Variants in PRR23C observed in about 807,000 individuals in gnomAD.
PRR23C encodes proline-rich protein 23C.
PRR23C carries 1 observed loss-of-function variant against 0.1 expected under a neutral mutation model. That is an observed-to-expected ratio of 6.80 (90% confidence interval 2.41 to 32.24). The LOEUF is 32.24. PRR23C is among the 30% of genes most tolerant of loss of function. The pLI is 0.11. For synonymous variants in PRR23C, 172 were observed against 168.1 expected, an observed-to-expected ratio of 1.02 and a Z score of -0.18; for missense variants, 361 against 370.4, an observed-to-expected ratio of 0.97 and a Z score of 0.21.
In PRR23C at chr3:139,044,634, C is replaced by A; in HGVS notation, c.-14G>T. 1 of 1,480,864 alleles carries A rather than the reference C, an allele frequency of 6.8e-7. No individual in the cohort carries two copies. The highest frequency in any genetic ancestry group is 8.9e-7 in the Non-Finnish European group (1 of 1,125,440). The allele number at this position is 1,480,864 out of a possible 1,614,324, so 91.7% of individuals were successfully genotyped here. On this transcript the variant is annotated 5_prime_UTR_variant, in exon 1 of 1. Coordinates refer to ENST00000413199, the MANE Select transcript of PRR23C (RefSeq NM_001134657.1). This position sits in a 1 kb window ranked among gnomAD's most constrained non-coding sequence, Gnocchi z 7.5. ...CCGGCTGCCCATCACCTCGACGGCG[C>A]TGCGGACGGCGCTCCTGGGCCTGGC...
Position 139,042,465 on chromosome 3 carries a change from G to T in PRR23C, c.*1367C>A, listed in dbSNP as rs1224460348. The T allele has an allele frequency of 6.6e-6, 1 of 151,996 alleles. No individual in the cohort carries two copies. Among genetic ancestry groups the T allele is most frequent in the East Asian group, 1.9e-4 (1 of 5,190 alleles). The allele number at this position is 151,996 out of a possible 1,614,324, so 9.4% of individuals were successfully genotyped here. A position where few individuals can be genotyped will look rare whatever the true frequency, so the allele number is the denominator to read the frequency against. On this transcript the variant is annotated 3_prime_UTR_variant, in exon 1 of 1. Transcript: ENST00000413199. ...AAATTAACTGCTTCAATAGATTAAG[G>T]GTTATCTAACAACCATGTAAAGATC...
rs552437095 is a variant in PRR23C, at chr3:139,044,671, G to A, written c.-51C>T. The A allele has an allele frequency of 3.1e-4, 440 of 1,436,678 alleles. 1 individual carries two copies. In the African/African-American group the frequency reaches 5.7e-3, roughly 19 times the overall value. 89.0% of individuals were successfully genotyped at this position (1,436,678 alleles called of 1,614,324 possible). Reference sequence around the variant, plus strand: ...CTCCTGGGCCTGGCAGGGGACGTGGGTGCGGGGGGCTCGGGGCGGCGAAGT... The same window carrying A: ...CTCCTGGGCCTGGCAGGGGACGTGGATGCGGGGGGCTCGGGGCGGCGAAGT... On this transcript the variant is annotated 5_prime_UTR_variant, in exon 1 of 1. Coordinates refer to ENST00000413199, the MANE Select transcript of PRR23C (RefSeq NM_001134657.1). This position sits in a 1 kb window ranked among gnomAD's most constrained non-coding sequence, Gnocchi z 7.5.
At position 139,044,746 on chromosome 3, in the gene PRR23C, C is replaced by A; in HGVS notation, c.-126G>T. 1 of 1,109,946 alleles carries A rather than the reference C, an allele frequency of 9.0e-7. No homozygotes were observed. 68.8% of individuals were successfully genotyped at this position (1,109,946 alleles called of 1,614,324 possible). ...CAGGACCGCGCGACGCGGGGCGAGT[C>A]CTCGGAGCTCTGGGGGCGCCTCCCG... On this transcript the variant is annotated 5_prime_UTR_variant, in exon 1 of 1. Transcript: ENST00000413199. This position sits in a 1 kb window ranked among gnomAD's most constrained non-coding sequence, Gnocchi z 7.5.
In PRR23C at chr3:139,044,552, T is replaced by C. The variant is rs776579314; in HGVS notation, c.69A>G (p.Pro23=). The stretch of plus-strand genomic sequence containing the variant: ...CCAATCGGCTGCGCTTGGCAGGGCC[T>C]GGTCCTCCTGGCTGCTGTCCCCACC... ...APWWGQQPGG[P]GPAKRSRLEE... is the part of the protein sequence containing the mutation. Residue 23 remains proline, a synonymous_variant, in exon 1 of 1, where the codon CCA becomes CCG. Coordinates refer to ENST00000413199, the MANE Select transcript of PRR23C (RefSeq NM_001134657.1). The surrounding 1 kb of genome is among the most constrained non-coding windows in gnomAD (Gnocchi z 7.5). The C allele has an allele frequency of 1.4e-5, 21 of 1,542,296 alleles. No individual in the cohort carries two copies. Among genetic ancestry groups the C allele is most frequent in the Non-Finnish European group, 1.8e-5 (21 of 1,146,052 alleles).
Position 139,044,855 on chromosome 3 carries a change from A to T in PRR23C, c.-235T>A, listed in dbSNP as rs995044800. 22 of 525,012 alleles carry T rather than the reference A, an allele frequency of 4.2e-5. No individual in the cohort carries two copies. The Admixed American group carries it at 6.9e-4, about 17-fold the overall frequency. 32.5% of individuals were successfully genotyped at this position (525,012 alleles called of 1,614,324 possible). ...CGCGATGGAAACTTGGGCCTTCCTG[A>T]CGCAGACCCGGATGCGCACTGCAAA... On this transcript the variant is annotated 5_prime_UTR_variant, in exon 1 of 1. Transcript: ENST00000413199. This position sits in a 1 kb window ranked among gnomAD's most constrained non-coding sequence, Gnocchi z 7.5.
In PRR23C at chr3:139,044,009, G is replaced by A. The variant is rs920220092; in HGVS notation, c.612C>T (p.Pro204=). Residue 204 remains proline, a synonymous_variant, in exon 1 of 1, where the codon CCC becomes CCT. Transcript: ENST00000413199. This position sits in a 1 kb window ranked among gnomAD's most constrained non-coding sequence, Gnocchi z 7.5. ...GGCGTGGAGAGCGTCTCTCTGAACT[G>A]GGGTTGGGGGCCAGAGCACAGGGCC... is the stretch of plus-strand genomic sequence containing the variant. The part of the protein sequence containing the change: ...IRGPCALAPN[P]SSERRSPRPI... 22 of 1,613,034 alleles carry A rather than the reference G, an allele frequency of 1.4e-5. No individual in the cohort carries two copies. In the Admixed American group the frequency reaches 3.0e-4, roughly 22 times the overall value.
Position 139,043,571 on chromosome 3 carries a change from G to A in PRR23C, c.*261C>T. ...TAGGGGTGACTTCCAAACAAAACAG[G>A]CCCGAAGCAGCAATCTCACAGTCTG... On this transcript the variant is annotated 3_prime_UTR_variant, in exon 1 of 1. Coordinates refer to ENST00000413199, the MANE Select transcript of PRR23C (RefSeq NM_001134657.1). 2.8e-6 allele frequency: 1 copy of A among 357,222 alleles called. No individual in the cohort carries two copies. Among genetic ancestry groups the A allele is most frequent in the Non-Finnish European group, 5.0e-6 (1 of 199,156 alleles). The allele number at this position is 357,222 out of a possible 1,614,324, so 22.1% of individuals were successfully genotyped here.
In PRR23C at chr3:139,043,464, A is replaced by C; in HGVS notation, c.*368T>G. On this transcript the variant is annotated 3_prime_UTR_variant, in exon 1 of 1. Transcript: ENST00000413199. Reference sequence around the variant, plus strand: ...CTTGGGAGAAAAGGTGTGCCATGGTAACGTGCTGGGGAAAGGGCGGATTTT... The same window carrying C: ...CTTGGGAGAAAAGGTGTGCCATGGTCACGTGCTGGGGAAAGGGCGGATTTT... The C allele has an allele frequency of 5.8e-6, 1 of 173,142 alleles. No individual in the cohort carries two copies. Among genetic ancestry groups the C allele is most frequent in the African/African-American group, 2.4e-5 (1 of 42,120 alleles). The allele number at this position is 173,142 out of a possible 1,614,324, so 10.7% of individuals were successfully genotyped here. A position where few individuals can be genotyped will look rare whatever the true frequency, so the allele number is the denominator to read the frequency against.
rs569505808 is a variant in PRR23C, at chr3:139,042,786, G to C, written c.*1046C>G. The C allele has an allele frequency of 1.3e-5, 2 of 152,144 alleles. No individual in the cohort carries two copies. The highest frequency in any genetic ancestry group is 2.9e-5 in the Non-Finnish European group (2 of 68,008). 9.4% of individuals were successfully genotyped at this position (152,144 alleles called of 1,614,324 possible). A position where few individuals can be genotyped will look rare whatever the true frequency, so the allele number is the denominator to read the frequency against. Reference sequence around the variant, plus strand: ...TATTTCCGGCTGGGTGCGATGGCTCGTGCCTGTAATCCCAGCACTTTGGGA... The same window carrying C: ...TATTTCCGGCTGGGTGCGATGGCTCCTGCCTGTAATCCCAGCACTTTGGGA... On this transcript the variant is annotated 3_prime_UTR_variant, in exon 1 of 1. Coordinates refer to ENST00000413199, the MANE Select transcript of PRR23C (RefSeq NM_001134657.1).
rs1159233741 is a variant in PRR23C, at chr3:139,043,880, G to A, written c.741C>T (p.Leu247=). Residue 247 remains leucine (L), a synonymous_variant, in exon 1 of 1, where the codon CTC becomes CTT. Transcript: ENST00000413199. ...PSPGPHARPE[L]PERPPCKVRR... is the part of the protein sequence containing the mutation. ...GGACCTTGCACGGAGGGCGCTCTGG[G>A]AGCTCCGGGCGCGCGTGGGGACCTG... is the stretch of plus-strand genomic sequence containing the variant. 3.0e-5 allele frequency: 47 copies of A among 1,570,256 alleles called. No individual in the cohort carries two copies. The highest frequency in any genetic ancestry group is 4.1e-5 in the Non-Finnish European group (47 of 1,158,476).
rs759635699 is a variant in PRR23C, at chr3:139,042,516, A to G, written c.*1316T>C. On this transcript the variant is annotated 3_prime_UTR_variant, in exon 1 of 1. Transcript: ENST00000413199. Reference sequence around the variant, plus strand: ...ATACTTTATGGTAAAATTTAGAAGCATTAACACAAGGCATAAAACAGGAAT... The same window carrying G: ...ATACTTTATGGTAAAATTTAGAAGCGTTAACACAAGGCATAAAACAGGAAT... 2 of 152,254 alleles carry G rather than the reference A, an allele frequency of 1.3e-5. No homozygotes were observed. The highest frequency in any genetic ancestry group is 2.4e-5 in the African/African-American group (1 of 41,466). The allele number at this position is 152,254 out of a possible 1,614,324, so 9.4% of individuals were successfully genotyped here.
rs1416334737 is a variant in PRR23C at position 139,043,186 on chromosome 3, A to AG, written c.*645dup. 6.6e-6 allele frequency: 1 copy of AG among 152,230 alleles called. No individual in the cohort carries two copies. Among genetic ancestry groups the AG allele is most frequent in the Non-Finnish European group, 1.5e-5 (1 of 68,032 alleles). The allele number at this position is 152,230 out of a possible 1,614,324, so 9.4% of individuals were successfully genotyped here. ...TGGAAAAGAGCTGGCTCTAAGAGTT[A>AG]GGGGGGAAATAAAGCCCAATAACAT... On this transcript the variant is annotated 3_prime_UTR_variant, in exon 1 of 1. Transcript: ENST00000413199.
chr3:139,044,049 T>G lies in PRR23C; in HGVS notation c.572A>C (p.Glu191Ala). Residue 191 changes from glutamate to alanine, a missense_variant, in exon 1 of 1, where the codon GAG becomes GCG. Coordinates refer to ENST00000413199, the MANE Select transcript of PRR23C (RefSeq NM_001134657.1). The surrounding 1 kb of genome is among the most constrained non-coding windows in gnomAD (Gnocchi z 7.5). ...SARSMFSPYR[E>A]GPIRGPCALA... ...AGCACAGGGCCCTCGGATGGGGCCC[T>G]CCCGGTAGGGGCTGAACATACTTCT... is the stretch of plus-strand genomic sequence containing the variant. The G allele has an allele frequency of 1.9e-6, 3 of 1,613,482 alleles. No individual in the cohort carries two copies. The highest frequency in any genetic ancestry group is 2.5e-6 in the Non-Finnish European group (3 of 1,179,710).
chr3:139,043,954 CCAGAA>C, the PRR23C span: 16 of 1,608,132 alleles, frequency 9.9e-6, no homozygotes, highest in East Asian at 3.6e-4. Context: ...GGGACAGGCT[CCAGAA>C]GATGGAATTC....
At position 139,043,709 on chromosome 3, in the gene PRR23C, A is replaced by G. The variant is rs1441740925; in HGVS notation, c.*123T>C. The stretch of plus-strand genomic sequence containing the variant: ...GAATTCTGCAACGCAGCCTGTATCA[A>G]AAAAGCATCTATCCGTTATCCACTC... On this transcript the variant is annotated 3_prime_UTR_variant, in exon 1 of 1. Transcript: ENST00000413199. The G allele has an allele frequency of 1.1e-5, 10 of 928,330 alleles. No individual in the cohort carries two copies. Among genetic ancestry groups the G allele is most frequent in the Non-Finnish European group, 1.6e-5 (10 of 641,922 alleles). 57.5% of individuals were successfully genotyped at this position (928,330 alleles called of 1,614,324 possible).
At position 139,044,475 on chromosome 3, in the gene PRR23C, G is replaced by A; in HGVS notation, c.146C>T (p.Ala49Val). Residue 49 changes from alanine (A) to valine (V), a missense_variant, in exon 1 of 1, where the codon GCG (alanine) becomes GTG (valine). Transcript: ENST00000413199. The surrounding 1 kb of genome is among the most constrained non-coding windows in gnomAD (Gnocchi z 7.5). ...GAGCGCGTCCACGGCCGGGGTCCCC[G>A]CCGGGTCTTCCGGGCTGGGCGCCGC... ...SRAAPSPEDP[A>V]GTPAVDALTS... 1 of 1,540,990 alleles carries A rather than the reference G, an allele frequency of 6.5e-7. No individual in the cohort carries two copies. The highest frequency in any genetic ancestry group is 8.7e-7 in the Non-Finnish European group (1 of 1,143,706).
chr3:139,044,762 G>T lies in PRR23C; in HGVS notation c.-142C>A. 1 of 929,222 alleles carries T rather than the reference G, an allele frequency of 1.1e-6. No homozygotes were observed. Among genetic ancestry groups the T allele is most frequent in the Non-Finnish European group, 1.5e-6 (1 of 672,476 alleles). The allele number at this position is 929,222 out of a possible 1,614,324, so 57.6% of individuals were successfully genotyped here. On this transcript the variant is annotated 5_prime_UTR_variant, in exon 1 of 1. Coordinates refer to ENST00000413199, the MANE Select transcript of PRR23C (RefSeq NM_001134657.1). The surrounding 1 kb of genome is among the most constrained non-coding windows in gnomAD (Gnocchi z 7.5). ...GGGGCGAGTCCTCGGAGCTCTGGGG[G>T]CGCCTCCCGGAGATCGGAGTCGGTG... is the stretch of plus-strand genomic sequence containing the variant.
In PRR23C at chr3:139,044,060, G is replaced by A. The variant is rs775122983; in HGVS notation, c.561C>T (p.Ser187=). The part of the protein sequence containing the change: ...GLYPSARSMF[S]PYREGPIRGP... ...CTCGGATGGGGCCCTCCCGGTAGGG[G>A]CTGAACATACTTCTAGCGGAGGGGT... is the stretch of plus-strand genomic sequence containing the variant. The change falls in exon 1 of 1, where the codon AGC becomes AGT. Residue 187 remains serine (S), a synonymous_variant. Transcript: ENST00000413199. The surrounding 1 kb of genome is among the most constrained non-coding windows in gnomAD (Gnocchi z 7.5). The A allele has an allele frequency of 6.2e-7, 1 of 1,613,656 alleles. No individual in the cohort carries two copies. The highest frequency in any genetic ancestry group is 1.1e-5 in the South Asian group (1 of 90,976).
At position 139,044,608 on chromosome 3, in the gene PRR23C, G is replaced by C. The variant is rs1328965228; in HGVS notation, c.13C>G (p.Pro5Ala). The C allele has an allele frequency of 6.6e-7, 1 of 1,520,104 alleles. No individual in the cohort carries two copies. Among genetic ancestry groups the C allele is most frequent in the Non-Finnish European group, 8.8e-7 (1 of 1,140,040 alleles). 94.2% of individuals were successfully genotyped at this position (1,520,104 alleles called of 1,614,324 possible). A position where few individuals can be genotyped will look rare whatever the true frequency, so the allele number is the denominator to read the frequency against. Residue 5 changes from proline to alanine, a missense_variant, in exon 1 of 1, where the codon CCC becomes GCC. Coordinates refer to ENST00000413199, the MANE Select transcript of PRR23C (RefSeq NM_001134657.1). The surrounding 1 kb of genome is among the most constrained non-coding windows in gnomAD (Gnocchi z 7.5). ...GCAAGGCAGGCGCTGGGGCTGCAGG[G>C]CCGGCTGCCCATCACCTCGACGGCG... MGSRPCSPSACLAPW... is the reference protein window; with the variant it reads MGSRACSPSACLAPW...
Sources: allele counts gnomAD v4.1 joint callset, GRCh38; gene constraint gnomAD v4.1.1; non-coding constraint Gnocchi (gnomAD v3.1); transcripts MANE v1.5; gene names NCBI Gene and HGNC (gene_info 2026-07-23, HGNC 2026-07-21).